Variants in NEK9 observed in about 807,000 individuals in gnomAD.
NEK9 encodes serine/threonine-protein kinase Nek9.
NEK9 carries 75 observed loss-of-function variants against 123.4 expected under a neutral mutation model. The observed-to-expected ratio is 0.61, with a 90% CI of 0.50 to 0.74. The LOEUF is 0.74. NEK9 is among the 30% of genes least tolerant of loss of function. The probability of loss-of-function intolerance (pLI) is 0.00; values close to 1 mark genes in which losing one functional copy is unlikely to be tolerated. For synonymous variants in NEK9, 438 were observed against 458.7 expected (o/e 0.95, Z 0.58); for missense variants, 952 against 1,214.4 (o/e 0.78, Z 3.21).
At position 75,088,506 on chromosome 14, in the gene NEK9, C is replaced by G. The variant is rs368488018; in HGVS notation, c.2578G>C (p.Glu860Gln). Residue 860 changes from glutamate (E) to glutamine (Q), a missense_variant, in exon 20 of 22, where the codon GAA becomes CAA. By Grantham distance (29) the Glu-to-Gln change is conservative. This residue lies in a region of NEK9 where 698 missense variants were observed against 875.6 expected (regional missense o/e 0.80). Coordinates refer to ENST00000238616, the MANE Select transcript of NEK9 (RefSeq NM_033116.6). ...GLKVASEAPL[E>Q]HKPQVEASSP... ...GAGGCTTCTACTTGGGGTTTGTGTT[C>G]CAAAGGAGCTTCAGAGGCCACTTTG... 6.2e-7 allele frequency: 1 copy of G among 1,613,816 alleles called. No individual in the cohort carries two copies. The highest frequency in any genetic ancestry group is 1.3e-5 in the African/African-American group (1 of 74,860).
chr14:75,091,616 G>T, intron 18 of NEK9, 138 bp from the exon 19 acceptor site: 1 of 633,958 alleles, frequency 1.6e-6, no homozygotes, highest in Non-Finnish European at 2.4e-6. Context: ...TCAAATGTTA[G>T]GGACTAAATT....
chr14:75,121,058 A>T, intron 3 of NEK9, 61 bp downstream of exon 3: 6 of 1,306,046 alleles, frequency 4.6e-6, no homozygotes, highest in Non-Finnish European at 6.7e-6. Flanking sequence ...TAAATACAGA[A>T]CTAGAATGCA....
intron 20 of NEK9, among the ~76,000 whole-genome samples, chr14:75,087,767 C>T (rs1339355982): frequency 6.6e-6 from 1 of 152,208 alleles, no homozygotes; most frequent in East Asian, 1.9e-4. Context: ...TGATCCTAGT[C>T]TGGATTTTTC....
In NEK9 at chr14:75,106,015, T is replaced by C. The variant is rs750295095; in HGVS notation, c.1529-19A>G. The C allele has an allele frequency of 3.1e-6, 5 of 1,607,050 alleles. No homozygotes were observed. The highest frequency in any genetic ancestry group is 1.7e-5 in the Admixed American group (1 of 59,988). ...AGTCGTCCTGAAACACACATAAGAA[T>C]GAAAATCATTATAATGAGGGCTTCC... On this transcript the variant is annotated intron_variant, in intron 12 of 21. Transcript: ENST00000238616.
In NEK9 at chr14:75,118,824, A is replaced by C; in HGVS notation, c.630+6T>G. ...AAATAAAAATTAAGACAAGGGCAAC[A>C]CATACCGTCTCAGCCATGGAATACT... On this transcript the variant is annotated splice_donor_region_variant and intron_variant, in intron 5 of 21. Coordinates refer to ENST00000238616, the MANE Select transcript of NEK9 (RefSeq NM_033116.6). 6.7e-7 allele frequency: 1 copy of C among 1,486,644 alleles called. No homozygotes were observed. The highest frequency in any genetic ancestry group is 9.4e-7 in the Non-Finnish European group (1 of 1,064,492). 92.1% of individuals were successfully genotyped at this position (1,486,644 alleles called of 1,614,324 possible). A position where few individuals can be genotyped will look rare whatever the true frequency, so the allele number is the denominator to read the frequency against.
In NEK9 at chr14:75,101,151, G is replaced by A. The variant is rs778413122; in HGVS notation, c.1843C>T (p.Arg615Ter). ...GKTHTAAIDE[R>*]GRLLTFGCNK... Reference sequence around the variant, plus strand: ...CAGCCAAAGGTCAGCAGCCGGCCTCGCTCTGAGAGAGAAGCAAAAAGAAAT... The same window carrying A: ...CAGCCAAAGGTCAGCAGCCGGCCTCACTCTGAGAGAGAAGCAAAAAGAAAT... Residue 615 changes from arginine (R) to a stop codon, truncating the protein, a stop_gained and splice_region_variant, in exon 16 of 22, where the codon CGA becomes TGA. Transcript: ENST00000238616. LOFTEE classifies it high-confidence loss of function. 11 of 1,613,156 alleles carry A rather than the reference G, an allele frequency of 6.8e-6. No homozygotes were observed. Among genetic ancestry groups the A allele is most frequent in the Admixed American group, 1.7e-5 (1 of 59,772 alleles).
Position 75,101,745 on chromosome 14 carries a change from G to T in NEK9, c.1752C>A (p.Tyr584Ter). 1 of 1,613,498 alleles carries T rather than the reference G, an allele frequency of 6.2e-7. No individual in the cohort carries two copies. Residue 584 changes from tyrosine to a stop codon, truncating the protein, a stop_gained, in exon 15 of 22, where the codon TAC (tyrosine) becomes TAA (stop). Coordinates refer to ENST00000238616, the MANE Select transcript of NEK9 (RefSeq NM_033116.6). LOFTEE classifies it high-confidence loss of function. ...INHEAYHEVP[Y>*]TTSFTLAKQL... ...GTTTGGCCAAGGTAAAGGACGTTGT[G>T]TAGGGAACTTCATGGTATGCCTGAA...
At chr14:75,106,361 GAAAAAAAA>G (rs34426692) in intron 12 of NEK9, 133 bp downstream of exon 12, 29 of 300,582 alleles carry the variant, frequency 9.6e-5, no homozygotes, top group Middle Eastern at 7.5e-4. Flanking sequence ...TCTGTCTCGA[GAAAAAAAA>G]AAAAAAAAAA....
chr14:75,103,626 G>A (rs1242133066), intron 14 of NEK9, among the ~76,000 whole-genome samples: 2 of 152,028 alleles, frequency 1.3e-5, no homozygotes, highest in Non-Finnish European at 2.9e-5. Context: ...TTTGATTTCT[G>A]CCAGTATAAG....
In NEK9 at chr14:75,089,427, C is replaced by A. The variant is rs1894136881; in HGVS notation, c.2443-786G>T. Among the ~76,000 whole-genome samples, 3 of 152,144 alleles carry A rather than the reference C, an allele frequency of 2.0e-5. No individual in the cohort carries two copies. In the South Asian group the frequency reaches 6.2e-4, roughly 31 times the overall value. On this transcript the variant is annotated intron_variant, in intron 19 of 21. Coordinates refer to ENST00000238616, the MANE Select transcript of NEK9 (RefSeq NM_033116.6). ...TATTTTTAGTAGAGACAGAGTTTCACCATGTTGGCCAGGCTGGTTTCAAAC... is the reference window on the plus strand; with the variant it reads ...TATTTTTAGTAGAGACAGAGTTTCAACATGTTGGCCAGGCTGGTTTCAAAC...
chr14:75,109,901 G>A (rs1274573939), intron 9 of NEK9, 24 bp from the exon 10 acceptor site: 2 of 1,572,156 alleles, frequency 1.3e-6, no homozygotes, highest in Admixed American at 2.0e-5. Context: ...CCAGAACAAA[G>A]GAACATTTAA....
intron 10 of NEK9, among the ~76,000 whole-genome samples, chr14:75,108,775 A>G (rs781372934): frequency 4.0e-5 from 6 of 151,754 alleles, no homozygotes; most frequent in Non-Finnish European, 8.8e-5. Flanking sequence ...GGCTGGTCTC[A>G]AACTCCTGGC....
chr14:75,087,169 G>C lies in NEK9; in HGVS notation c.2666C>G (p.Ala889Gly). 1 of 1,614,128 alleles carries C rather than the reference G, an allele frequency of 6.2e-7. No individual in the cohort carries two copies. The highest frequency in any genetic ancestry group is 8.5e-7 in the Non-Finnish European group (1 of 1,180,020). ...CACCTGCAGAGAGCTGCACGCACAC[G>C]CAGGAGGAGTCAGTGGTGTTCCCTT... ...AGKGTPLTPPACACSSLQVEV... is the reference protein window; with the variant it reads ...AGKGTPLTPPGCACSSLQVEV... Residue 889 changes from alanine to glycine, a missense_variant, in exon 21 of 22, where the codon GCG becomes GGG. Physicochemically the swap from Ala to Gly is moderately conservative, Grantham distance 60. Coordinates refer to ENST00000238616, the MANE Select transcript of NEK9 (RefSeq NM_033116.6).
chr14:75,109,162 G>A (rs1245881826), intron 10 of NEK9, among the ~76,000 whole-genome samples: 2 of 152,158 alleles, frequency 1.3e-5, no homozygotes, highest in African/African-American at 2.4e-5. Flanking sequence ...GGGAGATAAG[G>A]AAACAGACAG....
intron 2 of NEK9, among the ~76,000 whole-genome samples, chr14:75,122,020 T>C (rs1566661040): frequency 6.6e-6 from 1 of 152,260 alleles, no homozygotes; most frequent in Non-Finnish European, 1.5e-5. Context: ...TCTTTACTAA[T>C]TTCTTCCTGT....
intron 10 of NEK9, among the ~76,000 whole-genome samples, chr14:75,109,144 G>T (rs554331936): frequency 6.6e-6 from 1 of 152,332 alleles, no homozygotes; most frequent in South Asian, 2.1e-4. Context: ...GGTGAATGAA[G>T]AGAGAGTGGG....
At chr14:75,084,858 C>T in intron 21 of NEK9, 172 bp from the exon 22 acceptor site, 1 of 718,378 alleles carries the variant, frequency 1.4e-6, no homozygotes. Context: ...ACAGTCCATA[C>T]CTTTATATTT....
rs7148388 is a variant in NEK9 at position 75,120,798 on chromosome 14, T to C, written c.454-218A>G. The C allele has an allele frequency of 7.2e-3, 4,213 of 584,576 alleles. 25 individuals are homozygous for C. The highest frequency in any genetic ancestry group is 0.01 in the Non-Finnish European group (3,454 of 330,372). 36.2% of individuals were successfully genotyped at this position (584,576 alleles called of 1,614,324 possible). On this transcript the variant is annotated intron_variant, in intron 3 of 21. Coordinates refer to ENST00000238616, the MANE Select transcript of NEK9 (RefSeq NM_033116.6). ...TCATAAAATAGTTCCAATGTCATTA[T>C]AATATATAGTATGGTAAAGCAGACA...
At chr14:75,105,665 T>C (rs1894746539) in intron 13 of NEK9, among the ~76,000 whole-genome samples, 1 of 152,246 alleles carries the variant, frequency 6.6e-6, no homozygotes, top group South Asian at 2.1e-4. Flanking sequence ...TTTGTAGCTA[T>C]ATGTGACTTT....
Sources: allele counts gnomAD v4.1 joint callset (sites outside exome capture counted in the v4.1 genomes callset), GRCh38; gene constraint gnomAD v4.1.1; regional missense constraint gnomAD v4.1.1; transcripts MANE v1.5; gene names NCBI Gene and HGNC (gene_info 2026-07-23, HGNC 2026-07-21).